AP4M1: variants seen among roughly 807,000 people sequenced by gnomAD.
AP4M1 encodes AP-4 complex subunit mu-1.
AP4M1 carries 58 observed loss-of-function variants against 62.4 expected under a neutral mutation model. The ratio of observed to expected loss-of-function variants is 0.93; its 90% confidence interval spans 0.75 to 1.16. The LOEUF is 1.16. Ranked by LOEUF, AP4M1 falls within the 50% of genes most tolerant of loss-of-function variation. The pLI is 0.00. For synonymous variants in AP4M1, 290 were observed against 239.7 expected (o/e 1.21, Z -1.94); for missense variants, 626 against 585.4 (o/e 1.07, Z -0.72).
chr7:100,106,621 T>C lies in AP4M1; in HGVS notation c.1138-37T>C. ...TGGTTCCCCCAGCGTGGTCAGCTTC[T>C]TGCCCTCCTTCCTCTCCCTGCCTCT... On this transcript the variant is annotated intron_variant, in intron 14 of 14. Transcript: ENST00000359593. The C allele has an allele frequency of 2.9e-6, 4 of 1,396,858 alleles. No homozygotes were observed. In the South Asian group the frequency reaches 4.5e-5, roughly 16 times the overall value. 86.5% of individuals were successfully genotyped at this position (1,396,858 alleles called of 1,614,324 possible).
chr7:100,101,190 C>T (rs1220835536), upstream of AP4M1: 3 of 1,587,076 alleles, frequency 1.9e-6, no homozygotes, highest in Non-Finnish European at 1.7e-6. Context: ...CCCCCAAGAC[C>T]CCAGCTCACA....
chr7:100,108,049 G>A lies in AP4M1; in HGVS notation c.*1167G>A, dbSNP rs375251366. Reference sequence around the variant, plus strand: ...GTGTCTGGACAGGAAGTGCGATGGAGCCAGGAACCTTCAGCAAGCCAGGGG... The same window carrying A: ...GTGTCTGGACAGGAAGTGCGATGGAACCAGGAACCTTCAGCAAGCCAGGGG... On this transcript the variant is annotated 3_prime_UTR_variant, in exon 15 of 15. Coordinates refer to ENST00000359593, the MANE Select transcript of AP4M1 (RefSeq NM_004722.4). The A allele has an allele frequency of 2.7e-5, 43 of 1,613,440 alleles. 1 individual carries two copies. The South Asian group carries it at 4.3e-4, about 16-fold the overall frequency.
At chr7:100,100,902 A>C, upstream of AP4M1, 1 of 1,048,882 alleles carries the variant, frequency 9.5e-7, no homozygotes, top group East Asian at 6.6e-5. Context: ...GAACCTGGGA[A>C]TGCCCAAAAG....
At chr7:100,100,806 A>G, upstream of AP4M1, 1 of 996,436 alleles carries the variant, frequency 1.0e-6, no homozygotes, top group Non-Finnish European at 1.2e-6. Flanking sequence ...TTCCGCTCGG[A>G]GGGCGGCCTC....
Position 100,108,041 on chromosome 7 carries a change from G to A in AP4M1, c.*1159G>A. ...AGACACCAGTGTCTGGACAGGAAGT[G>A]CGATGGAGCCAGGAACCTTCAGCAA... On this transcript the variant is annotated 3_prime_UTR_variant, in exon 15 of 15. Transcript: ENST00000359593. 3 of 1,613,738 alleles carry A rather than the reference G, an allele frequency of 1.9e-6. No individual in the cohort carries two copies. The highest frequency in any genetic ancestry group is 2.5e-6 in the Non-Finnish European group (3 of 1,179,938).
chr7:100,101,087 C>T (rs1795995250), upstream of AP4M1: 2 of 773,636 alleles, frequency 2.6e-6, no homozygotes, highest in Admixed American at 5.5e-5. Context: ...ATCGATGGCC[C>T]CCCGCACGCT....
Position 100,105,085 on chromosome 7 carries a change from G to C in AP4M1, c.714G>C (p.Lys238Asn). The change falls in exon 9 of 15, where the codon AAG (lysine) becomes AAC (asparagine). Residue 238 changes from lysine to asparagine, a missense_variant. By Grantham distance (94) the Lys-to-Asn change is moderately conservative (BLOSUM62 0). Transcript: ENST00000359593. ...TGACGGAAGAGTTTTGTGTGGGGAA[G>C]TCAGAGCTGAGAGGTGAGGAGAAAG... ...IGLTEEFCVG[K>N]SELRGYGPGI... The C allele has an allele frequency of 6.2e-7, 1 of 1,614,168 alleles. No individual in the cohort carries two copies. Among genetic ancestry groups the C allele is most frequent in the Non-Finnish European group, 8.5e-7 (1 of 1,180,036 alleles).
rs770705832 is a variant in AP4M1, at chr7:100,106,515, G to T, written c.1137+1G>T. The T allele has an allele frequency of 9.9e-6, 16 of 1,612,556 alleles. No individual in the cohort carries two copies. The highest frequency in any genetic ancestry group is 3.3e-5 in the Admixed American group (2 of 59,984). On this transcript the variant is annotated splice_donor_variant, in intron 14 of 14. Coordinates refer to ENST00000359593, the MANE Select transcript of AP4M1 (RefSeq NM_004722.4). LOFTEE classifies it high-confidence loss of function. Reference sequence around the variant, plus strand: ...CTCTCAACTCTCAGGCCTTTTCCAGGTATTCGCTGTGGACCCCCAGCCCCT... The same window carrying T: ...CTCTCAACTCTCAGGCCTTTTCCAGTTATTCGCTGTGGACCCCCAGCCCCT...
Position 100,108,522 on chromosome 7 carries a change from G to A in AP4M1, c.*1640G>A. 1 of 1,610,720 alleles carries A rather than the reference G, an allele frequency of 6.2e-7. No individual in the cohort carries two copies. On this transcript the variant is annotated 3_prime_UTR_variant, in exon 15 of 15. Transcript: ENST00000359593. ...TCAGGCGGTGGGCGCAGCTTTGCCAGAACAGGAGCACAGTGTTTCTGCAGA... is the reference window on the plus strand; with the variant it reads ...TCAGGCGGTGGGCGCAGCTTTGCCAAAACAGGAGCACAGTGTTTCTGCAGA...
chr7:100,106,700 T>C lies in AP4M1; in HGVS notation c.1180T>C (p.Ser394Pro). The C allele has an allele frequency of 1.2e-6, 2 of 1,613,570 alleles. No homozygotes were observed. The highest frequency in any genetic ancestry group is 2.2e-5 in the South Asian group (2 of 91,076). Residue 394 changes from serine to proline, a missense_variant, in exon 15 of 15, where the codon TCC (serine) becomes CCC (proline). By Grantham distance (74) the Ser-to-Pro change is moderately conservative (BLOSUM62 -1). Coordinates refer to ENST00000359593, the MANE Select transcript of AP4M1 (RefSeq NM_004722.4). ...GPPGPPSHGLSTSASPLGLGP... is the reference protein window; with the variant it reads ...GPPGPPSHGLPTSASPLGLGP... ...CCCAGGACCTCCCAGCCATGGGCTCTCCACCTCGGCCTCTCCTCTGGGGCT... is the reference window on the plus strand; with the variant it reads ...CCCAGGACCTCCCAGCCATGGGCTCCCCACCTCGGCCTCTCCTCTGGGGCT...
intron 12 of AP4M1, 24 bp downstream of exon 12, chr7:100,106,027 G>C (rs1796443049): frequency 1.2e-6 from 2 of 1,613,814 alleles, no homozygotes; most frequent in Non-Finnish European, 1.7e-6. Context: ...TGGCCTGGCT[G>C]AGTTCAGCTC....
rs1286791781 is a variant in AP4M1 at position 100,108,292 on chromosome 7, T to C, written c.*1410T>C. On this transcript the variant is annotated 3_prime_UTR_variant, in exon 15 of 15. Coordinates refer to ENST00000359593, the MANE Select transcript of AP4M1 (RefSeq NM_004722.4). ...ACTACTGACTGAGGGCACATGTGGC[T>C]GTGTGCAAGTGCCTGTCCCACACAG... The C allele has an allele frequency of 6.0e-6, 9 of 1,510,548 alleles. No homozygotes were observed. The South Asian group carries it at 7.7e-5, about 13-fold the overall frequency. The allele number at this position is 1,510,548 out of a possible 1,614,324, so 93.6% of individuals were successfully genotyped here. A position where few individuals can be genotyped will look rare whatever the true frequency, so the allele number is the denominator to read the frequency against.
intron 11 of AP4M1, 136 bp from the exon 12 acceptor site, chr7:100,105,823 G>C (rs1796423830): frequency 9.2e-7 from 1 of 1,082,188 alleles, no homozygotes; most frequent in Admixed American, 1.7e-5. Flanking sequence ...TAATGGAGTT[G>C]GGCTGGGCTT....
rs1371396561 is a variant in AP4M1, at chr7:100,108,098, T to A, written c.*1216T>A. 5 of 1,607,376 alleles carry A rather than the reference T, an allele frequency of 3.1e-6. No homozygotes were observed. The highest frequency in any genetic ancestry group is 8.5e-7 in the Non-Finnish European group (1 of 1,178,140). ...GGTGCGAGGGCCAGGCTGTGGGGCCTGCGAGAGGGTCAGCGTGGGCCGGGG... is the reference window on the plus strand; with the variant it reads ...GGTGCGAGGGCCAGGCTGTGGGGCCAGCGAGAGGGTCAGCGTGGGCCGGGG... On this transcript the variant is annotated 3_prime_UTR_variant, in exon 15 of 15. Coordinates refer to ENST00000359593, the MANE Select transcript of AP4M1 (RefSeq NM_004722.4).
chr7:100,107,376 G>T lies in AP4M1; in HGVS notation c.*494G>T, dbSNP rs79147701. On this transcript the variant is annotated 3_prime_UTR_variant, in exon 15 of 15. Transcript: ENST00000359593. ...AAGGGCACTGCCGCTGAGTGGGGAC[G>T]GGGACGATGCCGGGGGAGGAACTGG... 25 of 1,589,738 alleles carry T rather than the reference G, an allele frequency of 1.6e-5. No individual in the cohort carries two copies. Among genetic ancestry groups the T allele is most frequent in the Non-Finnish European group, 2.1e-5 (24 of 1,165,410 alleles).
chr7:100,106,562 G>GGCCCCCCCC, intron 14 of AP4M1, 48 bp downstream of exon 14: 1 of 1,514,850 alleles, frequency 6.6e-7, no homozygotes, highest in Non-Finnish European at 9.1e-7. Flanking sequence ...TTCACTTGCA[G>GGCCCCCCCC]CCCCCACCCC....
chr7:100,103,525 T>A lies in AP4M1; in HGVS notation c.462+6T>A. The A allele has an allele frequency of 6.2e-7, 1 of 1,613,852 alleles. No homozygotes were observed. The highest frequency in any genetic ancestry group is 8.5e-7 in the Non-Finnish European group (1 of 1,179,852). On this transcript the variant is annotated splice_donor_region_variant and intron_variant, in intron 5 of 14. Transcript: ENST00000359593. ...ACCTCAGCAGCGTTGGCTTGGTCAG[T>A]AGAGGGAAAGAGGAGGGTGAGGAAA... is the stretch of plus-strand genomic sequence containing the variant.
Position 100,102,750 on chromosome 7 carries a change from TC to T in AP4M1, c.224del (p.Ser75PhefsTer6). On this transcript the variant is annotated frameshift_variant, in exon 3 of 15. Transcript: ENST00000359593. LOFTEE classifies it high-confidence loss of function. ...GGTGGTCACAACTTCAGAAAACGTT[TC>T]TCCCTTCAGCCTCCTAGAACTGCTC... ...YLVVTTSENVSPFSLLELLSR... is the reference protein window; with the variant it reads ...YLVVTTSENVXPFSLLELLSR... 1.2e-6 allele frequency: 2 copies of T among 1,614,128 alleles called. No homozygotes were observed. Among genetic ancestry groups the T allele is most frequent in the South Asian group, 2.2e-5 (2 of 91,082 alleles).
chr7:100,104,996 C>T (rs986194668), intron 8 of AP4M1, 49 bp from the exon 9 acceptor site: 14 of 1,613,918 alleles, frequency 8.7e-6, no homozygotes, highest in African/African-American at 2.7e-5. Context: ...TCCTTGGTGT[C>T]TTAAACCATG....
Sources: allele counts gnomAD v4.1 joint callset, GRCh38; gene constraint gnomAD v4.1.1; transcripts MANE v1.5; gene names NCBI Gene and HGNC (gene_info 2026-07-23, HGNC 2026-07-21).